The following CHODL variants were observed in gnomAD, a reference collection of about 807,000 sequenced individuals.
The protein encoded by CHODL is chondrolectin, also known as transmembrane protein MT75.
CHODL carries 29 observed loss-of-function variants against 34.5 expected under a neutral mutation model. The ratio of observed to expected loss-of-function variants is 0.84; its 90% confidence interval spans 0.63 to 1.15. CHODL has a LOEUF of 1.15. Ranked by LOEUF, CHODL falls within the 50% of genes most tolerant of loss-of-function variation. The pLI, the probability that CHODL is intolerant of heterozygous loss-of-function variation, is 0.00. For missense variants in CHODL, 332 were observed against 332.5 expected (o/e 1.00, Z 0.01); for synonymous variants, 125 against 116.1 (o/e 1.08, Z -0.49).
chr21:17,950,113 A>T (rs1233354031), intron 1 of CHODL, among the ~76,000 whole-genome samples: 5 of 152,166 alleles, frequency 3.3e-5, no homozygotes, highest in African/African-American at 1.2e-4. Flanking sequence ...ATAATTTTAA[A>T]CAACAATATT....
chr21:17,986,232 G>A (rs1003196016), intron 1 of CHODL, among the ~76,000 whole-genome samples: 4 of 151,864 alleles, frequency 2.6e-5, no homozygotes, highest in African/African-American at 9.7e-5. Context: ...TTGTTACATA[G>A]GTATACACAT....
chr21:18,134,813 C>T (rs2072700730), intron 2 of CHODL, among the ~76,000 whole-genome samples: 1 of 152,076 alleles, frequency 6.6e-6, no homozygotes, highest in African/African-American at 2.4e-5. Flanking sequence ...TTTGATCAAG[C>T]CATAAAGGAT....
At chr21:18,122,431 T>C (rs2824639) in intron 2 of CHODL, among the ~76,000 whole-genome samples, 38,864 of 151,966 alleles carry the variant, frequency 0.26, 5,677 homozygotes, top group East Asian at 0.59. Flanking sequence ...AGTTAGCATA[T>C]TGTTGCGCCA....
intron 1 of CHODL, among the ~76,000 whole-genome samples, chr21:17,937,590 C>T (rs1568806554): frequency 6.6e-6 from 1 of 152,182 alleles, no homozygotes; most frequent in Non-Finnish European, 1.5e-5. Flanking sequence ...TTCACAGATA[C>T]ATTTTATATT....
intron 2 of CHODL, among the ~76,000 whole-genome samples, chr21:18,150,093 G>A (rs568478703): frequency 6.6e-6 from 1 of 152,212 alleles, no homozygotes; most frequent in East Asian, 1.9e-4. Context: ...TTGAAGCAGG[G>A]GCTTCCAGGT....
intron 1 of CHODL, among the ~76,000 whole-genome samples, chr21:18,247,499 C>A (rs2074155782): frequency 6.6e-6 from 1 of 152,072 alleles, no homozygotes; most frequent in Admixed American, 6.6e-5. Context: ...TTAAATACAT[C>A]ACCTTTTCTA....
chr21:18,189,040 A>G lies in CHODL; in HGVS notation c.-44-67469A>G, dbSNP rs145833977. Reference sequence around the variant, plus strand: ...CCTTGTGCGCAATAATGGTTTTTGCAAAGTCATATTTTATAGTTTGTTGTC... The same window carrying G: ...CCTTGTGCGCAATAATGGTTTTTGCGAAGTCATATTTTATAGTTTGTTGTC... On this transcript the variant is annotated intron_variant, in intron 2 of 6. Coordinates refer to the CHODL transcript ENST00000400127. Among the ~76,000 whole-genome samples the G allele has an allele frequency of 4.3e-3, 650 of 152,284 alleles. 4 individuals are homozygous for G. Among genetic ancestry groups the G allele is most frequent in the Non-Finnish European group, 6.9e-3 (469 of 68,030 alleles).
rs1406377853 is a variant in CHODL at position 17,955,093 on chromosome 21, A to G, written c.-145+37693A>G. On this transcript the variant is annotated intron_variant, in intron 1 of 6. Coordinates refer to the CHODL transcript ENST00000400127. ...ACAGGCAGATTCAGTGTCTGGTGAG[A>G]GCATGTCCATTAAGGTGTTCTAAGC... 1.5e-5 allele frequency among the ~76,000 whole-genome samples: 2 copies of G among 135,026 alleles called. 1 individual carries two copies. 88.6% of individuals were successfully genotyped at this position (135,026 alleles called of 152,430 possible).
At chr21:17,946,785 G>A (rs150997136) in intron 1 of CHODL, among the ~76,000 whole-genome samples, 1 of 152,248 alleles carries the variant, frequency 6.6e-6, no homozygotes, top group East Asian at 1.9e-4. Flanking sequence ...CAGTCTATGT[G>A]TGTCCTTACC....
intron 2 of CHODL, among the ~76,000 whole-genome samples, chr21:18,208,824 T>C (rs2073741256): frequency 1.3e-5 from 2 of 152,106 alleles, no homozygotes; most frequent in Admixed American, 6.5e-5. Flanking sequence ...CTTCCCTTAC[T>C]TTCTCCCAAA....
chr21:17,933,095 C>T (rs1393553428), intron 1 of CHODL, among the ~76,000 whole-genome samples: 1 of 152,214 alleles, frequency 6.6e-6, no homozygotes, highest in Admixed American at 6.5e-5. Flanking sequence ...GCCTGTCCCA[C>T]CTCCAGCCCT....
chr21:18,090,368 G>C (rs75502184), intron 2 of CHODL, among the ~76,000 whole-genome samples: 5 of 152,144 alleles, frequency 3.3e-5, no homozygotes, highest in African/African-American at 1.2e-4. Flanking sequence ...GAGCCTGCTG[G>C]TCAAGAAGCC....
intron 1 of CHODL, among the ~76,000 whole-genome samples, chr21:17,950,669 CG>C (rs1003907785): frequency 2.2e-4 from 33 of 152,036 alleles, no homozygotes; most frequent in Admixed American, 2.2e-3. Context: ...GCAGAGATTG[CG>C]GGCTGGGTAG....
chr21:18,082,519 G>A (rs1026936489), intron 2 of CHODL, among the ~76,000 whole-genome samples: 1 of 152,142 alleles, frequency 6.6e-6, no homozygotes, highest in Non-Finnish European at 1.5e-5. Flanking sequence ...AGGAAGATGG[G>A]GGAAAGTTTG....
In CHODL at chr21:18,071,366, C is replaced by T. The variant is rs141579708; in HGVS notation, c.-45+43395C>T. 4.3e-3 allele frequency among the ~76,000 whole-genome samples: 651 copies of T among 151,972 alleles called. 32 individuals are homozygous for T. In the East Asian group the frequency reaches 0.11, roughly 25 times the overall value. Reference sequence around the variant, plus strand: ...TTCACTATGGTGGCCAGGCTGGTCTCGAACCCCTGACCTCATGATCCGCCC... The same window carrying T: ...TTCACTATGGTGGCCAGGCTGGTCTTGAACCCCTGACCTCATGATCCGCCC... On this transcript the variant is annotated intron_variant, in intron 2 of 6. Transcript: ENST00000400127.
At chr21:18,022,133 T>C (rs2064133735) in intron 1 of CHODL, among the ~76,000 whole-genome samples, 1 of 152,188 alleles carries the variant, frequency 6.6e-6, no homozygotes, top group African/African-American at 2.4e-5. Context: ...CTTGAGGGTG[T>C]TAAACAGCAG....
chr21:18,164,785 CA>C (rs946214234), intron 2 of CHODL, among the ~76,000 whole-genome samples: 6 of 152,120 alleles, frequency 3.9e-5, no homozygotes, highest in African/African-American at 1.4e-4. Flanking sequence ...TTAGCTAAAA[CA>C]AAACTGTCGA....
chr21:18,234,146 G>A (rs1489685593), intron 2 of CHODL, among the ~76,000 whole-genome samples: 4 of 152,058 alleles, frequency 2.6e-5, no homozygotes, highest in Non-Finnish European at 5.9e-5. Context: ...ACTACTTGGC[G>A]TGAAAACAAA....
chr21:18,090,639 A>G (rs1351115375), intron 2 of CHODL, among the ~76,000 whole-genome samples: 1 of 151,930 alleles, frequency 6.6e-6, no homozygotes, highest in African/African-American at 2.4e-5. Context: ...AGAGAATGAA[A>G]GAGGAATATA....
Sources: allele counts gnomAD v4.1 joint callset (sites outside exome capture counted in the v4.1 genomes callset), GRCh38; gene constraint gnomAD v4.1.1; transcripts MANE v1.5; gene names NCBI Gene and HGNC (gene_info 2026-07-23, HGNC 2026-07-21).